The following EYS variants were observed in gnomAD, a reference collection of about 807,000 sequenced individuals.
EYS encodes the protein EGF-like photoreceptor maintenance factor, also known as protein eyes shut homolog.
A neutral mutation model predicts 282.1 loss-of-function variants in EYS; 250 were observed. The observed-to-expected ratio is 0.89, with a 90% CI of 0.80 to 0.98. The LOEUF (loss-of-function observed/expected upper bound fraction) is 0.98. EYS is among the 50% of genes least tolerant of loss of function. The pLI is 0.00. For synonymous variants in EYS, 1,355 were observed against 1,282.9 expected (o/e 1.06, Z -1.20); for missense variants, 4,016 against 3,709.0 (o/e 1.08, Z -2.15).
In EYS at chr6:64,751,868, C is replaced by A. The variant is rs562654616; in HGVS notation, c.3443+61510G>T. On this transcript the variant is annotated intron_variant, in intron 22 of 42. Transcript: ENST00000503581. ...ACCAGGATTTGAGAAAGCCACCACACAAGGCTATCTGTAACCAATGAACTT... is the reference window on the plus strand; with the variant it reads ...ACCAGGATTTGAGAAAGCCACCACAAAAGGCTATCTGTAACCAATGAACTT... Among the ~76,000 whole-genome samples, 4 of 152,280 alleles carry A rather than the reference C, an allele frequency of 2.6e-5. No individual in the cohort carries two copies. In the East Asian group the frequency reaches 7.7e-4, roughly 29 times the overall value.
chr6:65,313,671 A>T (rs1226541939), intron 11 of EYS, among the ~76,000 whole-genome samples: 1 of 151,984 alleles, frequency 6.6e-6, no homozygotes, highest in African/African-American at 2.4e-5. Context: ...ATATATCCAG[A>T]ATCTGATCCC....
intron 1 of EYS, among the ~76,000 whole-genome samples, chr6:65,660,153 T>C (rs1049327328): frequency 4.0e-5 from 6 of 151,784 alleles, no homozygotes; most frequent in Admixed American, 2.0e-4. Flanking sequence ...CTTTTGAGCA[T>C]TGAGTCCTGT....
At chr6:65,187,399 T>C (rs1319884227) in intron 12 of EYS, among the ~76,000 whole-genome samples, 1 of 151,714 alleles carries the variant, frequency 6.6e-6, no homozygotes, top group Non-Finnish European at 1.5e-5. Flanking sequence ...TTTTTCAACA[T>C]ATTCTAGCCT....
In EYS at chr6:63,721,214, A is replaced by G. The variant is rs1431466324; in HGVS notation, c.8817T>C (p.Cys2939=). Residue 2939 remains cysteine (C), a synonymous_variant, in exon 43 of 43, where the codon TGT becomes TGC. Transcript: ENST00000503581. ...AATACCTTCCCACCCAACCCAAAGT[A>G]CACAGGCAACTGTAAGAAAATGATT... ...PDQSFSYSCL[C]TLGWVGRYCE... 3.2e-6 allele frequency: 5 copies of G among 1,551,788 alleles called. No homozygotes were observed. In the African/African-American group the frequency reaches 5.5e-5, roughly 17 times the overall value.
chr6:64,900,305 C>T (rs184866364), intron 18 of EYS, among the ~76,000 whole-genome samples: 1 of 152,222 alleles, frequency 6.6e-6, no homozygotes, highest in African/African-American at 2.4e-5. Context: ...CAATATCATT[C>T]AGGACATAGG....
At chr6:64,377,596 A>C (rs1740933401) in intron 29 of EYS, among the ~76,000 whole-genome samples, 1 of 152,178 alleles carries the variant, frequency 6.6e-6, no homozygotes, top group African/African-American at 2.4e-5. Flanking sequence ...AGTAAATGTG[A>C]AGCAATTATA....
intron 2 of EYS, among the ~76,000 whole-genome samples, chr6:65,636,469 G>A (rs1767094263): frequency 6.6e-6 from 1 of 152,078 alleles, no homozygotes; most frequent in Non-Finnish European, 1.5e-5. Context: ...CTAGCTACAT[G>A]GATATCTCTT....
chr6:65,408,633 C>T (rs1048702202), intron 5 of EYS, among the ~76,000 whole-genome samples: 8 of 151,844 alleles, frequency 5.3e-5, no homozygotes, highest in East Asian at 1.9e-4. Flanking sequence ...TTGTTCATTC[C>T]GACTAAAGAT....
chr6:64,336,950 C>G (rs1770876327), intron 29 of EYS, among the ~76,000 whole-genome samples: 1 of 152,008 alleles, frequency 6.6e-6, no homozygotes. Flanking sequence ...CACAACCTAC[C>G]AAAACCTCTG....
intron 12 of EYS, among the ~76,000 whole-genome samples, chr6:65,253,306 CT>C (rs1767374635): frequency 1.3e-5 from 2 of 151,832 alleles, no homozygotes; most frequent in Non-Finnish European, 2.9e-5. Flanking sequence ...TTTTCTTATT[CT>C]TCTTCATTAA....
chr6:63,949,798 T>C (rs964282370), intron 35 of EYS, among the ~76,000 whole-genome samples: 1 of 152,222 alleles, frequency 6.6e-6, no homozygotes, highest in Non-Finnish European at 1.5e-5. Context: ...CACAACACTG[T>C]CACCAACCAA....
chr6:65,361,377 TACTC>T (rs1393009448), intron 8 of EYS, among the ~76,000 whole-genome samples: 1 of 150,450 alleles, frequency 6.6e-6, no homozygotes, highest in East Asian at 2.0e-4. Context: ...AAAAAAGAAA[TACTC>T]ATATATGGAT....
intron 12 of EYS, among the ~76,000 whole-genome samples, chr6:65,093,929 G>A (rs900655633): frequency 2.0e-5 from 3 of 151,710 alleles, no homozygotes; most frequent in Non-Finnish European, 4.4e-5. Context: ...AAAGTCAAGA[G>A]ATGGAGAAAG....
chr6:65,537,224 CA>C (rs1767993465), intron 2 of EYS, among the ~76,000 whole-genome samples: 2 of 152,010 alleles, frequency 1.3e-5, no homozygotes, highest in Non-Finnish European at 1.5e-5. Flanking sequence ...GGATGAATAG[CA>C]ATAGGAGAAA....
At chr6:63,819,410 G>A (rs1771264560) in intron 36 of EYS, among the ~76,000 whole-genome samples, 1 of 152,170 alleles carries the variant, frequency 6.6e-6, no homozygotes, top group Non-Finnish European at 1.5e-5. Context: ...ACAGAGAGAG[G>A]AAAAATTGTG....
intron 26 of EYS, among the ~76,000 whole-genome samples, chr6:64,545,663 T>C (rs1764835032): frequency 6.6e-6 from 1 of 152,180 alleles, no homozygotes; most frequent in Non-Finnish European, 1.5e-5. Context: ...GATAGGCAAC[T>C]TCAGCAAAGT....
rs150659147 is a variant in EYS at position 63,959,375 on chromosome 6, A to G, written c.7055+25008T>C. 6.7e-3 allele frequency among the ~76,000 whole-genome samples: 1,026 copies of G among 152,322 alleles called. 8 individuals carry two copies. Among genetic ancestry groups the G allele is most frequent in the African/African-American group, 0.024 (979 of 41,568 alleles). Reference sequence around the variant, plus strand: ...AGTCAAGAAACAATAGATGCTGGTGAGGCTGTGGAAAAATAGGAGTGCTTT... The same window carrying G: ...AGTCAAGAAACAATAGATGCTGGTGGGGCTGTGGAAAAATAGGAGTGCTTT... On this transcript the variant is annotated intron_variant, in intron 35 of 42. Coordinates refer to ENST00000503581, the MANE Select transcript of EYS (RefSeq NM_001142800.2).
At chr6:63,820,684 TATTA>T (rs902411525) in intron 36 of EYS, among the ~76,000 whole-genome samples, 1 of 152,208 alleles carries the variant, frequency 6.6e-6, no homozygotes, top group African/African-American at 2.4e-5. Flanking sequence ...CAGTTTCATC[TATTA>T]ATTAAAACCT....
chr6:64,930,845 G>A (rs1768697213), intron 15 of EYS, among the ~76,000 whole-genome samples: 1 of 152,120 alleles, frequency 6.6e-6, no homozygotes, highest in Admixed American at 6.6e-5. Context: ...AGATGCTGTT[G>A]GCAAAACATG....
Sources: allele counts gnomAD v4.1 joint callset (sites outside exome capture counted in the v4.1 genomes callset), GRCh38; gene constraint gnomAD v4.1.1; transcripts MANE v1.5; gene names NCBI Gene and HGNC (gene_info 2026-07-23, HGNC 2026-07-21).